Variants in CHRM3 observed in about 807,000 individuals in gnomAD.
CHRM3 encodes muscarinic acetylcholine receptor M3.
CHRM3 carries 11 observed loss-of-function variants against 41.8 expected under a neutral mutation model. The ratio of observed to expected loss-of-function variants is 0.26; its 90% CI spans 0.17 to 0.44. The LOEUF (loss-of-function observed/expected upper bound fraction) is 0.44, where lower values mean the gene tolerates loss of function less well. Ranked by LOEUF, CHRM3 falls within the 20% of genes least tolerant of loss-of-function variation. The pLI is 1.00. For missense variants in CHRM3, 571 were observed against 745.4 expected, an observed-to-expected ratio of 0.77 and a Z score of 2.72; for synonymous variants, 297 against 301.4, an observed-to-expected ratio of 0.99 and a Z score of 0.15.
chr1:239,389,811 G>T (rs576367354), intron 1 of CHRM3, among the ~76,000 whole-genome samples: 233 of 152,272 alleles, frequency 1.5e-3, no homozygotes, highest in Non-Finnish European at 1.9e-3. Context: ...AAGCTCAGTT[G>T]CTTACTGCTA....
intron 6 of CHRM3, among the ~76,000 whole-genome samples, chr1:239,895,889 CAAAAT>C (rs1411317861): frequency 6.6e-6 from 1 of 151,990 alleles, no homozygotes; most frequent in African/African-American, 2.4e-5. Context: ...ACATGAGTGA[CAAAAT>C]AATCTGTAAA....
rs1398671333 is a variant in CHRM3 at position 239,792,711 on chromosome 1, G to A, written c.-146-34541G>A. Among the ~76,000 whole-genome samples the A allele has an allele frequency of 3.3e-5, 5 of 152,162 alleles. No homozygotes were observed. The East Asian group carries it at 5.8e-4, about 18-fold the overall frequency. ...TTGAATGAATTTTTAAATTGGTAAA[G>A]TTCAGAGTACCTGGTTCTTGCCAAG... is the stretch of plus-strand genomic sequence containing the variant. On this transcript the variant is annotated intron_variant, in intron 5 of 6. Coordinates refer to ENST00000676153, the MANE Select transcript of CHRM3 (RefSeq NM_001375978.1).
intron 6 of CHRM3, among the ~76,000 whole-genome samples, chr1:239,906,839 C>G (rs1680003663): frequency 6.6e-6 from 1 of 152,150 alleles, no homozygotes; most frequent in South Asian, 2.1e-4. Context: ...TGTTACCAGT[C>G]CTTACAAGGA....
intron 1 of CHRM3, among the ~76,000 whole-genome samples, chr1:239,416,757 A>T (rs548089854): frequency 7.9e-5 from 12 of 152,190 alleles, no homozygotes; most frequent in Non-Finnish European, 1.6e-4. Context: ...TAGATTAGAA[A>T]GACATATAAT....
chr1:239,826,154 A>G (rs1002900471), intron 5 of CHRM3, among the ~76,000 whole-genome samples: 7 of 152,280 alleles, frequency 4.6e-5, no homozygotes, highest in Non-Finnish European at 1.0e-4. Flanking sequence ...TCTTAATGCC[A>G]CTGAATTTTA....
intron 5 of CHRM3, among the ~76,000 whole-genome samples, chr1:239,784,769 ACTGAATT>A: frequency 6.6e-6 from 1 of 151,884 alleles, no homozygotes; most frequent in Middle Eastern, 3.4e-3. Flanking sequence ...ATTTTTAGTG[ACTGAATT>A]AACTTATTAG....
chr1:239,711,990 C>T (rs1047991377), intron 5 of CHRM3, among the ~76,000 whole-genome samples: 1 of 152,168 alleles, frequency 6.6e-6, no homozygotes, highest in Non-Finnish European at 1.5e-5. Context: ...CCCATCCCCC[C>T]AGGCTTAGAT....
At chr1:239,816,736 T>A (rs1463911662) in intron 5 of CHRM3, among the ~76,000 whole-genome samples, 1 of 150,212 alleles carries the variant, frequency 6.7e-6, no homozygotes, top group Non-Finnish European at 1.5e-5. Context: ...CTCAGTCTTT[T>A]TTTTTTTTTT....
intron 1 of CHRM3, among the ~76,000 whole-genome samples, chr1:239,429,535 C>T (rs1024825948): frequency 1.3e-5 from 2 of 151,958 alleles, no homozygotes; most frequent in Non-Finnish European, 2.9e-5. Context: ...GCTATAAAAC[C>T]GGGATGTAAT....
chr1:239,649,229 A>G (rs922176337), intron 4 of CHRM3, among the ~76,000 whole-genome samples: 1 of 152,104 alleles, frequency 6.6e-6, no homozygotes, highest in African/African-American at 2.4e-5. Flanking sequence ...AAGAGGCCCA[A>G]GAGAGCTTAT....
At chr1:239,904,900 T>C (rs1679852604) in intron 6 of CHRM3, among the ~76,000 whole-genome samples, 1 of 152,230 alleles carries the variant, frequency 6.6e-6, no homozygotes, top group South Asian at 2.1e-4. Flanking sequence ...CATGTATTTA[T>C]ATGTGCATAT....
intron 1 of CHRM3, among the ~76,000 whole-genome samples, chr1:239,442,262 A>G (rs1277359493): frequency 6.6e-6 from 1 of 151,686 alleles, no homozygotes; most frequent in Non-Finnish European, 1.5e-5. Flanking sequence ...ACCTGTCACC[A>G]CGCCCAGCTG....
chr1:239,702,985 C>T (rs985372503), intron 5 of CHRM3, among the ~76,000 whole-genome samples: 3 of 152,134 alleles, frequency 2.0e-5, no homozygotes, highest in African/African-American at 7.2e-5. Context: ...GACTGCTATT[C>T]CACTCTCCCA....
chr1:239,649,692 GT>G (rs1275231431), intron 4 of CHRM3, among the ~76,000 whole-genome samples: 1 of 152,138 alleles, frequency 6.6e-6, no homozygotes, highest in Non-Finnish European at 1.5e-5. Flanking sequence ...CTGAGGATGG[GT>G]GAGAAAGAGG....
intron 1 of CHRM3, among the ~76,000 whole-genome samples, chr1:239,475,474 T>G (rs2147966827): frequency 6.6e-6 from 1 of 152,196 alleles, no homozygotes; most frequent in East Asian, 1.9e-4. Context: ...AGAAATTACC[T>G]GACTAATACT....
intron 6 of CHRM3, among the ~76,000 whole-genome samples, chr1:239,863,713 G>T (rs1206963828): frequency 1.3e-5 from 2 of 151,560 alleles, no homozygotes; most frequent in Non-Finnish European, 2.9e-5. Flanking sequence ...GAAAGAAGGT[G>T]GGGGGAAGAG....
At chr1:239,489,090 A>C (rs923180658) in intron 1 of CHRM3, among the ~76,000 whole-genome samples, 4 of 152,202 alleles carry the variant, frequency 2.6e-5, no homozygotes, top group African/African-American at 9.6e-5. Flanking sequence ...AAGGCAGGAT[A>C]AAAATTGCAA....
chr1:239,636,614 A>C (rs1670491970), intron 4 of CHRM3, among the ~76,000 whole-genome samples: 1 of 152,206 alleles, frequency 6.6e-6, no homozygotes, highest in African/African-American at 2.4e-5. Context: ...GATTTCTGTC[A>C]CATTGACAGC....
At chr1:239,586,927 T>C (rs1663472746) in intron 3 of CHRM3, among the ~76,000 whole-genome samples, 1 of 152,172 alleles carries the variant, frequency 6.6e-6, no homozygotes, top group African/African-American at 2.4e-5. Context: ...TGATGGATAT[T>C]GGCATCTCCC....
Sources: allele counts gnomAD v4.1 joint callset (sites outside exome capture counted in the v4.1 genomes callset), GRCh38; gene constraint gnomAD v4.1.1; transcripts MANE v1.5; gene names NCBI Gene and HGNC (gene_info 2026-07-23, HGNC 2026-07-21).